The following MAP7D2 variants were observed in gnomAD, a reference collection of about 807,000 sequenced individuals.
MAP7D2 encodes the protein MAP7 domain-containing protein 2.
In MAP7D2, 33 loss-of-function variants were observed where a neutral mutation model predicts 63.5. That is an observed-to-expected ratio of 0.52 (90% CI 0.39 to 0.70). The LOEUF (loss-of-function observed/expected upper bound fraction) is 0.70, where lower values mean the gene tolerates loss of function less well. Ranked by LOEUF, MAP7D2 falls within the 30% of genes least tolerant of loss-of-function variation. The pLI is 0.00. For missense variants in MAP7D2, 626 were observed against 604.0 expected (o/e 1.04, Z -0.38); for synonymous variants, 224 against 223.7 (o/e 1.00, Z -0.01).
chrX:20,045,889 C>T (rs1022586021), intron 6 of MAP7D2, among the ~76,000 whole-genome samples: 3 of 111,524 alleles, frequency 2.7e-5, no homozygotes, highest in Non-Finnish European at 3.8e-5. Context: ...TGATGGATCC[C>T]CCTGGCTGCT....
chrX:20,042,446 C>T (rs2064682519), intron 8 of MAP7D2, 56 bp downstream of exon 8: 3 of 1,189,469 alleles, frequency 2.5e-6, no homozygotes, highest in Non-Finnish European at 3.4e-6. Flanking sequence ...GGCACAAAGC[C>T]CTAGCAAACT....
chrX:20,097,853 C>A (rs1449897124), intron 1 of MAP7D2, among the ~76,000 whole-genome samples: 1 of 110,969 alleles, frequency 9.0e-6, no homozygotes, highest in Non-Finnish European at 1.9e-5. Flanking sequence ...AAACTGACCC[C>A]AGCTCTCAGC....
intron 7 of MAP7D2, among the ~76,000 whole-genome samples, chrX:20,042,985 C>T (rs1374849178): frequency 1.8e-5 from 2 of 111,760 alleles, no homozygotes; most frequent in Admixed American, 1.9e-4. Flanking sequence ...TTACAACATC[C>T]AAGACAGTGA....
rs772133957 is a variant in MAP7D2 at position 20,041,351 on chromosome X, G to T, written c.1007+1151C>A. On this transcript the variant is annotated intron_variant, in intron 8 of 16. Coordinates refer to ENST00000379643, the MANE Select transcript of MAP7D2 (RefSeq NM_001168465.2). Reference sequence around the variant, plus strand: ...AAGGTTGCAATGAACTAAAAATAAAGAAAGAAAGAAAAGTAGGCTTTTAAT... The same window carrying T: ...AAGGTTGCAATGAACTAAAAATAAATAAAGAAAGAAAAGTAGGCTTTTAAT... Among the ~76,000 whole-genome samples the T allele has an allele frequency of 8.0e-5, 9 of 111,910 alleles. No individual in the cohort carries two copies. The East Asian group carries it at 8.3e-4, about 10-fold the overall frequency.
chrX:20,087,240 G>T (rs144434014), intron 1 of MAP7D2, among the ~76,000 whole-genome samples: 1,585 of 112,450 alleles, frequency 0.014, 8 homozygotes, highest in Middle Eastern at 0.018. Flanking sequence ...TCATCCCCAA[G>T]ATTGGTGGTA....
At chrX:20,018,870 C>T (rs182362187) in intron 10 of MAP7D2, among the ~76,000 whole-genome samples, 2 of 111,557 alleles carry the variant, frequency 1.8e-5, no homozygotes, top group African/African-American at 6.5e-5. Flanking sequence ...CAATCCTCTC[C>T]GAGGATGAGC....
intron 1 of MAP7D2, 124 bp downstream of exon 1, chrX:20,116,626 T>G: frequency 1.0e-6 from 1 of 996,015 alleles, no homozygotes; most frequent in East Asian, 4.2e-5. Flanking sequence ...GAAAGGGCGT[T>G]TATCTCAGCT....
At chrX:20,047,875 GA>G (rs56946717) in intron 6 of MAP7D2, among the ~76,000 whole-genome samples, 38,938 of 107,923 alleles carry the variant, frequency 0.36, 7,610 homozygotes, top group African/African-American at 0.73. Context: ...AAGAAAGAGA[GA>G]AAAAAAAGAC....
intron 1 of MAP7D2, among the ~76,000 whole-genome samples, chrX:20,092,358 C>A (rs993570331): frequency 1.2e-4 from 13 of 111,388 alleles, no homozygotes; most frequent in Non-Finnish European, 2.4e-4. Context: ...CCTCCCCCTA[C>A]CAATGTCTCT....
intron 3 of MAP7D2, among the ~76,000 whole-genome samples, chrX:20,059,547 G>A (rs1456064685): frequency 2.8e-5 from 3 of 107,037 alleles, no homozygotes; most frequent in Admixed American, 1.0e-4. Flanking sequence ...GCAAATCCTC[G>A]TCCCTAGAAT....
intron 8 of MAP7D2, among the ~76,000 whole-genome samples, chrX:20,035,295 G>C (rs781723636): frequency 2.7e-5 from 3 of 111,273 alleles, no homozygotes; most frequent in Non-Finnish European, 5.7e-5. Flanking sequence ...GCGGCTCTTT[G>C]GATTAGGGCC....
intron 3 of MAP7D2, 71 bp from the exon 4 acceptor site, chrX:20,056,862 A>G: frequency 2.0e-6 from 2 of 975,991 alleles, no homozygotes; most frequent in Admixed American, 4.8e-5. Flanking sequence ...CTGCTGCCTC[A>G]GTGCACAGTG....
chrX:20,100,327 C>G (rs1488204272), intron 1 of MAP7D2, among the ~76,000 whole-genome samples: 1 of 111,910 alleles, frequency 8.9e-6, no homozygotes, highest in Non-Finnish European at 1.9e-5. Context: ...ACTGACCATA[C>G]CAAGTACTGA....
intron 8 of MAP7D2, among the ~76,000 whole-genome samples, chrX:20,027,938 G>A (rs1173649398): frequency 1.8e-5 from 2 of 109,865 alleles, no homozygotes; most frequent in African/African-American, 6.6e-5. Flanking sequence ...GAGGTAATGT[G>A]TGAGTGCCTC....
At chrX:20,070,934 T>C (rs1030376562) in intron 1 of MAP7D2, among the ~76,000 whole-genome samples, 2 of 112,294 alleles carry the variant, frequency 1.8e-5, no homozygotes, top group Admixed American at 1.9e-4. Flanking sequence ...AAATACAAAG[T>C]TTTAAAGGGA....
intron 1 of MAP7D2, among the ~76,000 whole-genome samples, chrX:20,088,574 C>T (rs1397363899): frequency 9.8e-6 from 1 of 101,619 alleles, no homozygotes; most frequent in African/African-American, 3.5e-5. Flanking sequence ...ATCCTCCCAC[C>T]TCAGCCTCCC....
chrX:20,086,521 C>A (rs1189839868), intron 1 of MAP7D2, among the ~76,000 whole-genome samples: 1 of 111,521 alleles, frequency 9.0e-6, no homozygotes, highest in Non-Finnish European at 1.9e-5. Context: ...AAGTTTTCGG[C>A]CCAGGAAGCC....
chrX:20,066,621 C>T (rs578197680), intron 1 of MAP7D2, among the ~76,000 whole-genome samples: 3 of 111,771 alleles, frequency 2.7e-5, no homozygotes, highest in South Asian at 3.8e-4. Context: ...ATTCCAGCCA[C>T]CCCGCAATCT....
At chrX:20,098,560 G>A (rs182549068) in intron 1 of MAP7D2, among the ~76,000 whole-genome samples, 18 of 110,907 alleles carry the variant, frequency 1.6e-4, no homozygotes, top group Non-Finnish European at 1.9e-5. Flanking sequence ...TACACGGTGG[G>A]GGGGGGAGCG....
Sources: allele counts gnomAD v4.1 joint callset (sites outside exome capture counted in the v4.1 genomes callset), GRCh38; gene constraint gnomAD v4.1.1; transcripts MANE v1.5; gene names NCBI Gene and HGNC (gene_info 2026-07-23, HGNC 2026-07-21).